The following COX8A variants were observed in gnomAD, a reference collection of about 807,000 sequenced individuals.
The protein encoded by COX8A is cytochrome c oxidase subunit 8A, mitochondrial.
In COX8A, 6 loss-of-function variants were observed where a neutral mutation model predicts 4.4. That is an observed-to-expected ratio of 1.36 (90% CI 0.74 to 2.68). The LOEUF (loss-of-function observed/expected upper bound fraction) is 2.68. Ranked by LOEUF, COX8A falls within the 30% of genes most tolerant of loss-of-function variation. The pLI is 0.00. For missense variants in COX8A, 72 were observed against 89.6 expected (o/e 0.80, Z 0.79); for synonymous variants, 53 against 47.1 (o/e 1.12, Z -0.51).
intron 1 of COX8A, among the ~76,000 whole-genome samples, chr11:63,975,598 C>T (rs906285891): frequency 6.6e-6 from 1 of 150,936 alleles, no homozygotes; most frequent in African/African-American, 2.4e-5. Context: ...TTTTTTGAGA[C>T]GGAGTCTTGC....
intron 1 of COX8A, 52 bp from the exon 2 acceptor site, chr11:63,976,173 A>C: frequency 6.5e-7 from 1 of 1,538,856 alleles, no homozygotes; most frequent in Non-Finnish European, 9.0e-7. Context: ...GGACTTAGAG[A>C]GCCTAGGGGA....
intron 1 of COX8A, among the ~76,000 whole-genome samples, chr11:63,975,726 G>T (rs978714566): frequency 6.6e-6 from 1 of 151,294 alleles, no homozygotes; most frequent in East Asian, 2.0e-4. Context: ...GATCACAGGC[G>T]CCCGCCACCA....
In COX8A at chr11:63,974,747, C is replaced by T. The variant is rs144339685; in HGVS notation, c.67C>T (p.Arg23Cys). The T allele has an allele frequency of 6.0e-4, 967 of 1,608,092 alleles. 11 individuals carry two copies. In the African/African-American group the frequency reaches 8.6e-3, roughly 14 times the overall value. The change falls in exon 1 of 2, where the codon CGC (arginine) becomes TGC (cysteine). Residue 23 changes from arginine to cysteine, a missense_variant. Arg to Cys is a radical substitution (Grantham distance 180, BLOSUM62 -3). Coordinates refer to ENST00000314133, the MANE Select transcript of COX8A (RefSeq NM_004074.3). ...TGSARRLPVP[R>C]AKIHSLPPEG... ...CTCGGCCCGGCGGCTCCCAGTGCCG[C>T]GCGCCAAGATCCATTCGTTGCCGCC... is the stretch of plus-strand genomic sequence containing the variant.
In COX8A at chr11:63,976,392, T is replaced by C; in HGVS notation, c.*72T>C. The stretch of plus-strand genomic sequence containing the variant: ...GCCCATCCTGGTCATGTTACTGCAT[T>C]TGTGGCCGGCCTCCCCTGGATCATG... On this transcript the variant is annotated 3_prime_UTR_variant, in exon 2 of 2. Coordinates refer to ENST00000314133, the MANE Select transcript of COX8A (RefSeq NM_004074.3). 8.6e-6 allele frequency: 12 copies of C among 1,390,934 alleles called. No homozygotes were observed. The highest frequency in any genetic ancestry group is 1.2e-5 in the Non-Finnish European group (12 of 979,818). The allele number at this position is 1,390,934 out of a possible 1,614,324, so 86.2% of individuals were successfully genotyped here.
intron 1 of COX8A, 123 bp from the exon 2 acceptor site, chr11:63,976,101 CT>C: frequency 1.2e-6 from 1 of 852,388 alleles, no homozygotes; most frequent in East Asian, 2.4e-5. Context: ...GATGCGGGGC[CT>C]CCCACTTGCC....
chr11:63,976,036 G>A (rs1216225108), intron 1 of COX8A, among the ~76,000 whole-genome samples, 189 bp from the exon 2 acceptor site: 1 of 152,082 alleles, frequency 6.6e-6, no homozygotes, highest in Non-Finnish European at 1.5e-5. Context: ...AAGGGTTAGC[G>A]TAGCTTTGGA....
At chr11:63,974,817 C>G (rs750392908) in intron 1 of COX8A, 23 bp downstream of exon 1, 19 of 1,561,796 alleles carry the variant, frequency 1.2e-5, no homozygotes, top group African/African-American at 2.7e-5. Flanking sequence ...CCTGGAAGAG[C>G]GCGGGAGGCG....
chr11:63,976,420 A>G lies in COX8A; in HGVS notation c.*100A>G. ...TGGCCGGCCTCCCCTGGATCATGTCATTCAATTCCAGTCACCTCTTCTGCA... is the reference window on the plus strand; with the variant it reads ...TGGCCGGCCTCCCCTGGATCATGTCGTTCAATTCCAGTCACCTCTTCTGCA... On this transcript the variant is annotated 3_prime_UTR_variant, in exon 2 of 2. Coordinates refer to ENST00000314133, the MANE Select transcript of COX8A (RefSeq NM_004074.3). 9.4e-7 allele frequency: 1 copy of G among 1,069,060 alleles called. No individual in the cohort carries two copies. The highest frequency in any genetic ancestry group is 1.4e-6 in the Non-Finnish European group (1 of 700,422). The allele number at this position is 1,069,060 out of a possible 1,614,324, so 66.2% of individuals were successfully genotyped here.
chr11:63,975,886 A>G (rs779033606), intron 1 of COX8A, among the ~76,000 whole-genome samples: 2 of 152,128 alleles, frequency 1.3e-5, no homozygotes, highest in African/African-American at 2.4e-5. Context: ...GGCCCAGACC[A>G]GCTTTAAAAC....
rs1026767360 is a variant in COX8A at position 63,974,855 on chromosome 11, G to T, written c.114+61G>T. On this transcript the variant is annotated intron_variant, in intron 1 of 1. Transcript: ENST00000314133. ...GTGGGCTGACCCCTTCTGCCTAGCT[G>T]ACCTCAGGTGGTCCTGAGAATGCCT... 11 of 1,403,712 alleles carry T rather than the reference G, an allele frequency of 7.8e-6. No homozygotes were observed. The African/African-American group carries it at 1.3e-4, about 17-fold the overall frequency. 87.0% of individuals were successfully genotyped at this position (1,403,712 alleles called of 1,614,324 possible).
chr11:63,974,819 C>T (rs753797950), intron 1 of COX8A, 25 bp downstream of exon 1: 3 of 1,557,218 alleles, frequency 1.9e-6, no homozygotes, highest in South Asian at 2.4e-5. Context: ...TGGAAGAGCG[C>T]GGGAGGCGCC....
intron 1 of COX8A, among the ~76,000 whole-genome samples, chr11:63,975,205 G>A (rs1244769359): frequency 6.6e-6 from 1 of 152,116 alleles, no homozygotes; most frequent in African/African-American, 2.4e-5. Flanking sequence ...TTTGAGACGG[G>A]TTCTCGCTCT....
At position 63,974,651 on chromosome 11, in the gene COX8A, A is replaced by G; in HGVS notation, c.-30A>G. On this transcript the variant is annotated 5_prime_UTR_variant, in exon 1 of 2. Coordinates refer to ENST00000314133, the MANE Select transcript of COX8A (RefSeq NM_004074.3). ...GCTTCCTGACCTTGGGCTACGGCTG[A>G]CCGTTTTTTGTGGTGTACTCCGTGC... The G allele has an allele frequency of 6.3e-7, 1 of 1,578,122 alleles. No homozygotes were observed. Among genetic ancestry groups the G allele is most frequent in the Non-Finnish European group, 8.6e-7 (1 of 1,160,178 alleles).
At chr11:63,975,037 C>G (rs1383833752) in intron 1 of COX8A, among the ~76,000 whole-genome samples, 1 of 152,174 alleles carries the variant, frequency 6.6e-6, no homozygotes, top group African/African-American at 2.4e-5. Flanking sequence ...CAGGCCCTCC[C>G]TCTCCTGTCG....
chr11:63,976,164 G>A, intron 1 of COX8A, 61 bp from the exon 2 acceptor site: 1 of 1,508,522 alleles, frequency 6.6e-7, no homozygotes, highest in Non-Finnish European at 9.2e-7. Flanking sequence ...GAACTGCAAG[G>A]ACTTAGAGAG....
chr11:63,975,240 G>A (rs1461961485), intron 1 of COX8A, among the ~76,000 whole-genome samples: 3 of 152,066 alleles, frequency 2.0e-5, no homozygotes, highest in African/African-American at 2.4e-5. Flanking sequence ...GTGCAGTGGC[G>A]CGATCTCGGC....
At position 63,976,358 on chromosome 11, in the gene COX8A, G is replaced by A; in HGVS notation, c.*38G>A. 6.4e-7 allele frequency: 1 copy of A among 1,573,606 alleles called. No homozygotes were observed. The highest frequency in any genetic ancestry group is 8.7e-7 in the Non-Finnish European group (1 of 1,143,780). ...TGTCCCTCACACTGTGACCTGACCA[G>A]CCCCACCGGCCCATCCTGGTCATGT... is the stretch of plus-strand genomic sequence containing the variant. On this transcript the variant is annotated 3_prime_UTR_variant, in exon 2 of 2. Coordinates refer to ENST00000314133, the MANE Select transcript of COX8A (RefSeq NM_004074.3).
intron 1 of COX8A, among the ~76,000 whole-genome samples, chr11:63,975,831 T>C (rs930333531): frequency 3.3e-5 from 5 of 151,788 alleles, no homozygotes; most frequent in Admixed American, 1.3e-4. Context: ...CCGCCCGCCT[T>C]GGCCTCCCAA....
At position 63,976,513 on chromosome 11, in the gene COX8A, C is replaced by A; in HGVS notation, c.*193C>A. The A allele has an allele frequency of 1.7e-6, 1 of 590,132 alleles. No homozygotes were observed. Among genetic ancestry groups the A allele is most frequent in the Admixed American group, 3.0e-5 (1 of 33,222 alleles). The allele number at this position is 590,132 out of a possible 1,614,324, so 36.6% of individuals were successfully genotyped here. ...CACTGACCCTGCTTGGTGGGGTCCC[C>A]CTTGTAACAATAAAATCTATTTAAA... On this transcript the variant is annotated 3_prime_UTR_variant, in exon 2 of 2. Coordinates refer to ENST00000314133, the MANE Select transcript of COX8A (RefSeq NM_004074.3).
Sources: gnomAD v4.1 joint callset for allele counts (sites outside exome capture counted in the v4.1 genomes callset) on GRCh38, gnomAD v4.1.1 for gene constraint, MANE v1.5 for transcripts, NCBI Gene and HGNC (gene_info 2026-07-23, HGNC 2026-07-21) for gene names.